The following RASA1 variants were observed in gnomAD, a reference collection of about 807,000 sequenced individuals.
RASA1 encodes the protein RAS p21 protein activator 1.
Under a neutral mutation model 132.2 loss-of-function variants are expected in RASA1, and 25 were observed. That is an observed-to-expected ratio of 0.19 (90% CI 0.14 to 0.26). The LOEUF (loss-of-function observed/expected upper bound fraction) is 0.26, where lower values mean the gene tolerates loss of function less well. Among genes scored for constraint, RASA1 ranks in the 10% least tolerant of loss-of-function variants. RASA1 has a pLI of 1.00. For missense variants in RASA1, 964 were observed against 1,299.2 expected, an observed-to-expected ratio of 0.74 and a Z score of 3.97; for synonymous variants, 477 against 449.9, an observed-to-expected ratio of 1.06 and a Z score of -0.76.
intron 11 of RASA1, among the ~76,000 whole-genome samples, chr5:87,368,071 A>G (rs1760656253): frequency 1.3e-5 from 2 of 152,094 alleles, no homozygotes; most frequent in South Asian, 2.1e-4. Context: ...ATCTGTTTAA[A>G]TGTTTAGTAT....
chr5:87,280,083 C>A (rs182990393), intron 1 of RASA1, among the ~76,000 whole-genome samples: 1 of 152,366 alleles, frequency 6.6e-6, no homozygotes, highest in African/African-American at 2.4e-5. Context: ...CACGCTGGCT[C>A]TGTTTCTCTT....
intron 11 of RASA1, among the ~76,000 whole-genome samples, chr5:87,367,586 C>T (rs1429915879): frequency 1.3e-5 from 2 of 152,172 alleles, no homozygotes; most frequent in Non-Finnish European, 2.9e-5. Flanking sequence ...CACTCCATTT[C>T]CTTGTATTAA....
At position 87,390,984 on chromosome 5, in the gene RASA1, T is replaced by C; in HGVS notation, c.*101T>C. 1 of 1,174,228 alleles carries C rather than the reference T, an allele frequency of 8.5e-7. No homozygotes were observed. The highest frequency in any genetic ancestry group is 1.8e-5 in the Admixed American group (1 of 55,588). 72.7% of individuals were successfully genotyped at this position (1,174,228 alleles called of 1,614,324 possible). A position where few individuals can be genotyped will look rare whatever the true frequency, so the allele number is the denominator to read the frequency against. ...GCTCTTGCCAAAAAATAGCACACTT[T>C]TCCACATTCCAGTGATGTGTGAGCT... On this transcript the variant is annotated 3_prime_UTR_variant, in exon 25 of 25. Coordinates refer to ENST00000274376, the MANE Select transcript of RASA1 (RefSeq NM_002890.3).
chr5:87,321,912 A>G (rs1756844230), intron 1 of RASA1, among the ~76,000 whole-genome samples: 1 of 152,218 alleles, frequency 6.6e-6, no homozygotes, highest in Admixed American at 6.5e-5. Context: ...CTTGGTGCAG[A>G]TGAAAGGAGG....
At chr5:87,370,566 G>C (rs1470857561) in intron 12 of RASA1, among the ~76,000 whole-genome samples, 1 of 152,164 alleles carries the variant, frequency 6.6e-6, no homozygotes, top group Non-Finnish European at 1.5e-5. Flanking sequence ...GTAGAATGAG[G>C]CAGGAAGATT....
At chr5:87,343,640 T>C (rs1269745094) in intron 6 of RASA1, among the ~76,000 whole-genome samples, 1 of 152,080 alleles carries the variant, frequency 6.6e-6, no homozygotes, top group East Asian at 1.9e-4. Flanking sequence ...ATGAGTGCAG[T>C]TACTATAGAG....
intron 9 of RASA1, among the ~76,000 whole-genome samples, chr5:87,362,018 G>A (rs1300435856): frequency 6.6e-6 from 1 of 152,126 alleles, no homozygotes; most frequent in Non-Finnish European, 1.5e-5. Context: ...TGGATGGATG[G>A]GTGTGGCATG....
In RASA1 at chr5:87,363,329, A is replaced by C; in HGVS notation, c.1454-19A>C. 1 of 1,582,698 alleles carries C rather than the reference A, an allele frequency of 6.3e-7. No individual in the cohort carries two copies. Among genetic ancestry groups the C allele is most frequent in the Non-Finnish European group, 8.7e-7 (1 of 1,154,202 alleles). ...CACAATTGTTTGGCTAAGAGAAAACAATTTTTTTTTTTAAACAGGCAAAGG... is the reference window on the plus strand; with the variant it reads ...CACAATTGTTTGGCTAAGAGAAAACCATTTTTTTTTTTAAACAGGCAAAGG... On this transcript the variant is annotated intron_variant, in intron 10 of 24. Transcript: ENST00000274376.
At chr5:87,328,747 A>G (rs1757408271) in intron 1 of RASA1, among the ~76,000 whole-genome samples, 1 of 152,146 alleles carries the variant, frequency 6.6e-6, no homozygotes, top group Admixed American at 6.5e-5. Context: ...AAATTTTTAT[A>G]TTTATATAAA....
At chr5:87,296,314 A>G (rs1314653248) in intron 1 of RASA1, among the ~76,000 whole-genome samples, 1 of 152,176 alleles carries the variant, frequency 6.6e-6, no homozygotes, top group Non-Finnish European at 1.5e-5. Flanking sequence ...ATACATAGGC[A>G]TACGCAAGCA....
chr5:87,338,501 T>TTATATATATA (rs3069490), intron 5 of RASA1, among the ~76,000 whole-genome samples: 9 of 75,682 alleles, frequency 1.2e-4, no homozygotes, highest in African/African-American at 3.9e-4. Flanking sequence ...CCAGCTAATT[T>TTATATATATA]TATATATATA....
chr5:87,286,277 A>G (rs1258704680), intron 1 of RASA1, among the ~76,000 whole-genome samples: 1 of 151,936 alleles, frequency 6.6e-6, no homozygotes, highest in African/African-American at 2.4e-5. Flanking sequence ...AGGATCTGAC[A>G]TTTCTTTTTT....
At chr5:87,319,746 C>T (rs1388457193) in intron 1 of RASA1, among the ~76,000 whole-genome samples, 1 of 152,142 alleles carries the variant, frequency 6.6e-6, no homozygotes, top group African/African-American at 2.4e-5. Context: ...GACATTTTCC[C>T]CATTGTCTTG....
intron 21 of RASA1, among the ~76,000 whole-genome samples, chr5:87,384,737 A>G (rs1278353800): frequency 1.3e-5 from 2 of 152,134 alleles, no homozygotes; most frequent in African/African-American, 4.8e-5. Flanking sequence ...ACATCCTACT[A>G]TCTGTGTTCC....
At chr5:87,316,121 C>A (rs1186927349) in intron 1 of RASA1, among the ~76,000 whole-genome samples, 1 of 152,104 alleles carries the variant, frequency 6.6e-6, no homozygotes, top group Non-Finnish European at 1.5e-5. Flanking sequence ...TGCTCTGAGA[C>A]CAGATCTGTT....
intron 1 of RASA1, among the ~76,000 whole-genome samples, chr5:87,285,212 C>T (rs984694677): frequency 1.3e-5 from 2 of 151,664 alleles, no homozygotes; most frequent in East Asian, 1.9e-4. Flanking sequence ...GGACTACAGG[C>T]GAGTGCCACC....
intron 17 of RASA1, 41 bp from the exon 18 acceptor site, chr5:87,378,355 A>G: frequency 6.2e-7 from 1 of 1,603,848 alleles, no homozygotes; most frequent in Non-Finnish European, 8.5e-7. Context: ...ACATTAGGTC[A>G]GTCCTTTACA....
chr5:87,290,815 T>C (rs985897163), intron 1 of RASA1, among the ~76,000 whole-genome samples: 2 of 152,190 alleles, frequency 1.3e-5, no homozygotes, highest in African/African-American at 2.4e-5. Context: ...TTCCATGGTT[T>C]GATAGCTAAT....
intron 13 of RASA1, among the ~76,000 whole-genome samples, chr5:87,373,577 A>C (rs1037067254): frequency 5.9e-5 from 9 of 152,174 alleles, no homozygotes; most frequent in Non-Finnish European, 1.2e-4. Context: ...GCAAGGCCAC[A>C]CAAGTAGTAT....
Sources: allele counts gnomAD v4.1 joint callset (sites outside exome capture counted in the v4.1 genomes callset), GRCh38; gene constraint gnomAD v4.1.1; transcripts MANE v1.5; gene names NCBI Gene and HGNC (gene_info 2026-07-23, HGNC 2026-07-21).